The following UGT1A7 variants were observed in gnomAD, a reference collection of about 807,000 sequenced individuals.
UGT1A7 encodes UDP glucuronosyltransferase family 1 member A7.
UGT1A7 carries 33 observed loss-of-function variants against 45.6 expected under a neutral mutation model. The ratio of observed to expected loss-of-function variants is 0.72; its 90% CI spans 0.55 to 0.97. The LOEUF is 0.97. Among genes scored for constraint, UGT1A7 ranks in the 50% least tolerant of loss-of-function variants. UGT1A7 has a pLI of 0.00. For synonymous variants in UGT1A7, 274 were observed against 250.6 expected, an observed-to-expected ratio of 1.09 and a Z score of -0.88; for missense variants, 684 against 666.2, an observed-to-expected ratio of 1.03 and a Z score of -0.29.
intron 1 of UGT1A7, among the ~76,000 whole-genome samples, chr2:233,706,902 A>C (rs1389391522): frequency 6.6e-6 from 1 of 152,198 alleles, no homozygotes; most frequent in Non-Finnish European, 1.5e-5. Flanking sequence ...GGCATTTTAC[A>C]ATCCTAGCTG....
In UGT1A7 at chr2:233,772,281, C is replaced by T. The variant is rs143033456; in HGVS notation, c.1315C>T (p.Arg439Cys). ...NDKSYKENIM[R>C]LSSLHKDRPV... is the part of the protein sequence containing the mutation. ...GTTTAGTTACAAGGAGAACATCATG[C>T]GCCTCTCCAGCCTTCACAAGGACCG... The change falls in exon 5 of 5, where the codon CGC becomes TGC. Residue 439 changes from arginine to cysteine, a missense_variant. Physicochemically the swap from Arg to Cys is radical, Grantham distance 180. Coordinates refer to ENST00000373426, the MANE Select transcript of UGT1A7 (RefSeq NM_019077.3). 1.3e-4 allele frequency: 210 copies of T among 1,614,084 alleles called. 1 individual carries two copies. Among genetic ancestry groups the T allele is most frequent in the Non-Finnish European group, 1.7e-4 (200 of 1,180,048 alleles).
chr2:233,726,656 T>G (rs1331581430), intron 1 of UGT1A7, among the ~76,000 whole-genome samples: 1 of 152,184 alleles, frequency 6.6e-6, no homozygotes, highest in Non-Finnish European at 1.5e-5. Flanking sequence ...ACTCTTAATT[T>G]AATCATATCT....
At chr2:233,689,028 GA>G in intron 1 of UGT1A7, among the ~76,000 whole-genome samples, 1 of 152,198 alleles carries the variant, frequency 6.6e-6, no homozygotes, top group Non-Finnish European at 1.5e-5. Flanking sequence ...TGGCCAAGTG[GA>G]AATCCTACTT....
At position 233,769,343 on chromosome 2, in the gene UGT1A7, T is replaced by C. The variant is rs950579425; in HGVS notation, c.1295+904T>C. On this transcript the variant is annotated intron_variant, in intron 4 of 4. Coordinates refer to ENST00000373426, the MANE Select transcript of UGT1A7 (RefSeq NM_019077.3). The surrounding 1 kb of genome is among the most constrained non-coding windows in gnomAD (Gnocchi z 4.4). ...TGGTAATAGGCTTATTAGAACCTTA[T>C]GGGAAGAAGTGGTGGCCAGTGGTAG... Among the ~76,000 whole-genome samples the C allele has an allele frequency of 6.6e-6, 1 of 152,250 alleles. No individual in the cohort carries two copies. The highest frequency in any genetic ancestry group is 2.4e-5 in the African/African-American group (1 of 41,464).
At chr2:233,750,201 G>A (rs967986418) in intron 1 of UGT1A7, among the ~76,000 whole-genome samples, 17 of 151,984 alleles carry the variant, frequency 1.1e-4, no homozygotes, top group African/African-American at 3.6e-4. Flanking sequence ...ATGAAGTCCA[G>A]GCTGAGTCTC....
intron 1 of UGT1A7, among the ~76,000 whole-genome samples, chr2:233,696,060 C>T (rs766076590): frequency 2.6e-5 from 4 of 152,240 alleles, no homozygotes; most frequent in Admixed American, 6.5e-5. Flanking sequence ...TAAATTAGTA[C>T]AGCCACTATG....
rs749212538 is a variant in UGT1A7 at position 233,718,994 on chromosome 2, G to C, written c.855+36202G>C. On this transcript the variant is annotated intron_variant, in intron 1 of 4. Coordinates refer to ENST00000373426, the MANE Select transcript of UGT1A7 (RefSeq NM_019077.3). ...AGCTCCATGCCAGAGGCCACCAGGCGGTGGTCCTCACCCCAGAGGTGAATA... is the reference window on the plus strand; with the variant it reads ...AGCTCCATGCCAGAGGCCACCAGGCCGTGGTCCTCACCCCAGAGGTGAATA... 11 of 1,613,986 alleles carry C rather than the reference G, an allele frequency of 6.8e-6. No individual in the cohort carries two copies. In the Admixed American group the frequency reaches 1.2e-4, roughly 17 times the overall value.
chr2:233,755,408 A>G (rs886813938), intron 1 of UGT1A7: 6 of 332,530 alleles, frequency 1.8e-5, no homozygotes, highest in Non-Finnish European at 2.9e-5. Flanking sequence ...TCATTGGCCG[A>G]GGCCTGTGAG....
intron 1 of UGT1A7, chr2:233,740,859 A>C (rs1179342634): frequency 6.6e-6 from 1 of 151,860 alleles, no homozygotes; most frequent in Non-Finnish European, 1.5e-5. Context: ...AATTCTAAAA[A>C]TTCTTTAAAT....
intron 1 of UGT1A7, chr2:233,743,514 G>T (rs753191882): frequency 7.3e-7 from 1 of 1,367,256 alleles, no homozygotes; most frequent in Non-Finnish European, 9.8e-7. Flanking sequence ...CAGACGCTCT[G>T]CTTCTGCTTC....
In UGT1A7 at chr2:233,682,719, A is replaced by G. The variant is rs149070815; in HGVS notation, c.782A>G (p.Tyr261Cys). The change falls in exon 1 of 5, where the codon TAT (tyrosine) becomes TGT (cysteine). Residue 261 changes from tyrosine (Y) to cysteine (C), a missense_variant. Tyr to Cys is a radical substitution (Grantham distance 194, BLOSUM62 -2). Transcript: ENST00000373426. ...TTGCGAACTGACTTTGTTTTGGAGT[A>G]TCCCAAACCCGTGATGCCCAATATG... ...WLLRTDFVLE[Y>C]PKPVMPNMIF... 90 of 1,613,892 alleles carry G rather than the reference A, an allele frequency of 5.6e-5. No individual in the cohort carries two copies. The highest frequency in any genetic ancestry group is 5.0e-4 in the Middle Eastern group (3 of 6,054).
chr2:233,695,874 AG>A (rs2075311713), intron 1 of UGT1A7, among the ~76,000 whole-genome samples: 1 of 152,216 alleles, frequency 6.6e-6, no homozygotes, highest in Admixed American at 6.5e-5. Flanking sequence ...CAAACAACGC[AG>A]AAAACTTCAG....
chr2:233,760,562 T>C (rs1218423176), intron 1 of UGT1A7: 6 of 1,614,228 alleles, frequency 3.7e-6, no homozygotes, highest in East Asian at 2.2e-5. Flanking sequence ...AAAGAGTCTT[T>C]TGTTAGTCTC....
chr2:233,763,116 C>G lies in UGT1A7; in HGVS notation c.856-3918C>G, dbSNP rs565550780. On this transcript the variant is annotated intron_variant, in intron 1 of 4. Transcript: ENST00000373426. ...GAGAGGCACCGAACTTTATCAGCTG[C>G]CTTTCTGGCATTTATTGATATAACC... Among the ~76,000 whole-genome samples, 8 of 152,296 alleles carry G rather than the reference C, an allele frequency of 5.3e-5. No individual in the cohort carries two copies. The South Asian group carries it at 8.3e-4, about 16-fold the overall frequency.
chr2:233,768,116 A>G, intron 3 of UGT1A7, 104 bp from the exon 4 acceptor site: 1 of 1,599,724 alleles, frequency 6.3e-7, no homozygotes, highest in Non-Finnish European at 8.5e-7. Context: ...CTGCAAGGGC[A>G]TGTGAGTAAC....
intron 1 of UGT1A7, among the ~76,000 whole-genome samples, chr2:233,698,139 C>T (rs1179532977): frequency 6.6e-6 from 1 of 152,188 alleles, no homozygotes; most frequent in Admixed American, 6.5e-5. Flanking sequence ...TGTGTCTCAA[C>T]TGTATTCCCA....
intron 1 of UGT1A7, among the ~76,000 whole-genome samples, chr2:233,725,333 T>C (rs2077437851): frequency 7.8e-6 from 1 of 128,680 alleles, no homozygotes; most frequent in Non-Finnish European, 1.7e-5. Context: ...GTCAACAATC[T>C]TAAGTCCAAT....
At chr2:233,763,944 G>T (rs1331783792) in intron 1 of UGT1A7, among the ~76,000 whole-genome samples, 1 of 152,182 alleles carries the variant, frequency 6.6e-6, no homozygotes, top group South Asian at 2.1e-4. Flanking sequence ...AGGAAAGCTT[G>T]GGAGCAGGGA....
chr2:233,699,396 A>G (rs1384034823), intron 1 of UGT1A7, among the ~76,000 whole-genome samples: 1 of 152,216 alleles, frequency 6.6e-6, no homozygotes, highest in African/African-American at 2.4e-5. Flanking sequence ...CAATTTTAGA[A>G]GAGAATTTAG....
Sources: gnomAD v4.1 joint callset for allele counts (sites outside exome capture counted in the v4.1 genomes callset) on GRCh38, gnomAD v4.1.1 for gene constraint, Gnocchi (gnomAD v3.1) non-coding constraint, MANE v1.5 for transcripts, NCBI Gene and HGNC (gene_info 2026-07-23, HGNC 2026-07-21) for gene names.